Variants in RADIL observed in about 807,000 individuals in gnomAD.
RADIL encodes ras-associating and dilute domain-containing protein.
In RADIL, 99 loss-of-function variants were observed where a neutral mutation model predicts 97.6. The observed-to-expected ratio is 1.01, with a 90% CI of 0.86 to 1.20. The LOEUF (loss-of-function observed/expected upper bound fraction) is 1.20. Among genes scored for constraint, RADIL ranks in the 50% most tolerant of loss-of-function variants. The probability of loss-of-function intolerance (pLI) is 0.00; values close to 1 mark genes in which losing one functional copy is unlikely to be tolerated. For synonymous variants in RADIL, 803 were observed against 691.8 expected, an observed-to-expected ratio of 1.16 and a Z score of -2.52; for missense variants, 1,765 against 1,498.9, an observed-to-expected ratio of 1.18 and a Z score of -2.93.
chr7:4,803,171 G>A (rs1293331668), intron 11 of RADIL, among the ~76,000 whole-genome samples: 12 of 66,772 alleles, frequency 1.8e-4, no homozygotes, highest in Admixed American at 4.9e-4. Flanking sequence ...CGGGCACCTC[G>A]GGGCACGCTG....
Position 4,855,620 on chromosome 7 carries a change from TAAAAAAAAAAAA to T in RADIL, c.536-19027_536-19016del, listed in dbSNP as rs760588803. Among the ~76,000 whole-genome samples, 24 of 88,172 alleles carry T rather than the reference TAAAAAAAAAAAA, an allele frequency of 2.7e-4. No individual in the cohort carries two copies. The South Asian group carries it at 8.4e-3, about 31-fold the overall frequency. The allele number at this position is 88,172 out of a possible 152,430, so 57.8% of individuals were successfully genotyped here. A position where few individuals can be genotyped will look rare whatever the true frequency, so the allele number is the denominator to read the frequency against. ...ACACTGTTAGACTTTTTTATTTTTG[TAAAAAAAAAAAA>T]AAAAAAAAAAAAAAAGAAATGCCTC... On this transcript the variant is annotated intron_variant, in intron 2 of 14. Transcript: ENST00000399583.
rs1345572339 is a variant in RADIL at position 4,877,922 on chromosome 7, C to T, written c.218G>A (p.Cys73Tyr). Residue 73 changes from cysteine (C) to tyrosine (Y), a missense_variant, in exon 2 of 15, where the codon TGC becomes TAC. Cys to Tyr is a radical substitution (Grantham distance 194). Transcript: ENST00000399583. ...GACGCTCTTGTAGTGGGTTCCTGTG[C>T]AGACACTGTCCCCAAACACCTTCAG... ...GVLKVFGDSV[C>Y]TGTHYKSVLA... 3.1e-6 allele frequency: 5 copies of T among 1,607,400 alleles called. No individual in the cohort carries two copies. In the East Asian group the frequency reaches 6.7e-5, roughly 21 times the overall value.
chr7:4,871,977 G>A (rs1275183561), intron 2 of RADIL, among the ~76,000 whole-genome samples: 1 of 152,152 alleles, frequency 6.6e-6, no homozygotes, highest in African/African-American at 2.4e-5. Flanking sequence ...TGATGTCCCT[G>A]TCTCCAGGAA....
intron 2 of RADIL, among the ~76,000 whole-genome samples, chr7:4,847,647 A>G (rs376909982): frequency 2.7e-5 from 4 of 148,616 alleles, no homozygotes; most frequent in African/African-American, 9.9e-5. Flanking sequence ...ACGATAGGCT[A>G]CTGTTTAGCA....
At position 4,860,652 on chromosome 7, in the gene RADIL, G is replaced by T. The variant is rs528164345; in HGVS notation, c.535+16953C>A. The stretch of plus-strand genomic sequence containing the variant: ...ACCAAGCCCACCCATTCTAAATGTT[G>T]TTTTTCTGTTGATGCACTTGCCAGA... On this transcript the variant is annotated intron_variant, in intron 2 of 14. Coordinates refer to ENST00000399583, the MANE Select transcript of RADIL (RefSeq NM_018059.5). 207 of 1,614,116 alleles carry T rather than the reference G, an allele frequency of 1.3e-4. 3 individuals carry two copies. The South Asian group carries it at 1.4e-3, about 11-fold the overall frequency.
intron 1 of RADIL, among the ~76,000 whole-genome samples, chr7:4,882,597 C>T (rs533161224): frequency 2.6e-5 from 4 of 152,296 alleles, no homozygotes; most frequent in South Asian, 4.1e-4. Flanking sequence ...CAATGTGGAA[C>T]CCATTATCAT....
chr7:4,833,757 C>T (rs2130280), intron 4 of RADIL, among the ~76,000 whole-genome samples: 82,893 of 151,946 alleles, frequency 0.55, 23,484 homozygotes, highest in African/African-American at 0.69. Context: ...AGTTGTCCTT[C>T]GGGTCCCTGG....
chr7:4,875,392 CAAAA>C (rs1318111005), intron 2 of RADIL, among the ~76,000 whole-genome samples: 1 of 138,464 alleles, frequency 7.2e-6, no homozygotes, highest in Non-Finnish European at 1.6e-5. Context: ...GACTCCATCT[CAAAA>C]AAAAAAAAAG....
Position 4,867,496 on chromosome 7 carries a change from T to A in RADIL, c.535+10109A>T, listed in dbSNP as rs925099295. On this transcript the variant is annotated intron_variant, in intron 2 of 14. Transcript: ENST00000399583. This position sits in a 1 kb window ranked among gnomAD's most constrained non-coding sequence, Gnocchi z 4.1. The stretch of plus-strand genomic sequence containing the variant: ...ATGGGTAGGTGTCAAAAACATAATG[T>A]GAGGCCAGGTGTGGTGGCTCATGGC... Among the ~76,000 whole-genome samples the A allele has an allele frequency of 6.6e-6, 1 of 152,148 alleles. No homozygotes were observed. Among genetic ancestry groups the A allele is most frequent in the Non-Finnish European group, 1.5e-5 (1 of 68,020 alleles).
intron 2 of RADIL, among the ~76,000 whole-genome samples, chr7:4,839,694 G>A (rs186875056): frequency 9.9e-5 from 15 of 152,026 alleles, no homozygotes; most frequent in Admixed American, 3.3e-4. Flanking sequence ...ATCTGGGAGG[G>A]GAACCCAGGT....
chr7:4,816,515 C>T (rs377032840), intron 7 of RADIL, 50 bp from the exon 8 acceptor site: 24 of 1,498,844 alleles, frequency 1.6e-5, no homozygotes, highest in African/African-American at 8.2e-5. Flanking sequence ...GGAGCGCTGG[C>T]GGCCGAACGG....
intron 2 of RADIL, chr7:4,860,870 A>T (rs1235265608): frequency 1.2e-6 from 2 of 1,614,198 alleles, no homozygotes; most frequent in East Asian, 4.5e-5. Context: ...GATGATAGGC[A>T]TAAGATGGTA....
Position 4,835,122 on chromosome 7 carries a change from G to T in RADIL, c.901C>A (p.Arg301Ser), listed in dbSNP as rs377482222. The change falls in exon 4 of 15, where the codon CGC becomes AGC. Residue 301 changes from arginine to serine, a missense_variant. Arg to Ser is a moderately radical substitution (Grantham distance 110, BLOSUM62 -1). Coordinates refer to ENST00000399583, the MANE Select transcript of RADIL (RefSeq NM_018059.5). The surrounding 1 kb of genome is among the most constrained non-coding windows in gnomAD (Gnocchi z 5.8). ...CCGCTGTCCGGGAGCGGTTGCCGGCGGATGGTGCAGTGTAGAGGCAGGATG... is the reference window on the plus strand; with the variant it reads ...CCGCTGTCCGGGAGCGGTTGCCGGCTGATGGTGCAGTGTAGAGGCAGGATG... The part of the protein sequence containing the change: ...PDILPLHCTI[R>S]RQPLPDSGQA... 1 of 1,609,506 alleles carries T rather than the reference G, an allele frequency of 6.2e-7. No individual in the cohort carries two copies. The highest frequency in any genetic ancestry group is 8.5e-7 in the Non-Finnish European group (1 of 1,178,414).
At chr7:4,800,125 CCAGG>C in intron 13 of RADIL, 42 bp downstream of exon 13, 1 of 1,572,712 alleles carries the variant, frequency 6.4e-7, no homozygotes, top group Non-Finnish European at 8.6e-7. Flanking sequence ...ACAGGCGGGG[CCAGG>C]CAGCCAGTAT....
rs1479063792 is a variant in RADIL at position 4,803,890 on chromosome 7, C to G, written c.2291-136G>C. 1.1e-5 allele frequency: 9 copies of G among 812,792 alleles called. No individual in the cohort carries two copies. The Admixed American group carries it at 1.8e-4, about 16-fold the overall frequency. 50.3% of individuals were successfully genotyped at this position (812,792 alleles called of 1,614,324 possible). ...TCCCCTGCCCTGTGGACACAGGAGG[C>G]TGGGATCCTGGCCACAGTGACTGGC... On this transcript the variant is annotated intron_variant, in intron 10 of 14. Transcript: ENST00000399583.
At chr7:4,820,339 T>C (rs1029944782) in intron 6 of RADIL, among the ~76,000 whole-genome samples, 1 of 152,198 alleles carries the variant, frequency 6.6e-6, no homozygotes, top group Non-Finnish European at 1.5e-5. Flanking sequence ...GGCCTGTAGC[T>C]GGGCAGCTGG....
intron 2 of RADIL, among the ~76,000 whole-genome samples, chr7:4,843,590 A>T (rs569476474): frequency 1.1e-4 from 17 of 152,284 alleles, no homozygotes; most frequent in Non-Finnish European, 1.8e-4. Flanking sequence ...GGCATTTTGC[A>T]TCTAATTCCA....
intron 9 of RADIL, chr7:4,808,592 A>G (rs1257925126): frequency 2.0e-6 from 2 of 985,186 alleles, no homozygotes; most frequent in African/African-American, 1.7e-5. Context: ...CGAAGTCCTC[A>G]CAGCTTGGCC....
chr7:4,862,670 G>A (rs1190930786), intron 2 of RADIL, among the ~76,000 whole-genome samples: 1 of 152,142 alleles, frequency 6.6e-6, no homozygotes, highest in Admixed American at 6.5e-5. Flanking sequence ...GGAGGCCGAG[G>A]CGGGCAGATC....
Sources: allele counts gnomAD v4.1 joint callset (sites outside exome capture counted in the v4.1 genomes callset), GRCh38; gene constraint gnomAD v4.1.1; non-coding constraint Gnocchi (gnomAD v3.1); transcripts MANE v1.5; gene names NCBI Gene and HGNC (gene_info 2026-07-23, HGNC 2026-07-21).